C17orf67: variants seen among roughly 807,000 people sequenced by gnomAD.
C17orf67 encodes the protein uncharacterized protein C17orf67.
Under a neutral mutation model 11.2 loss-of-function variants are expected in C17orf67, and 12 were observed. That is an observed-to-expected ratio of 1.07 (90% CI 0.68 to 1.73). The LOEUF (loss-of-function observed/expected upper bound fraction) is 1.73. Among genes scored for constraint, C17orf67 ranks in the 40% most tolerant of loss-of-function variants. The pLI, the probability that C17orf67 is intolerant of heterozygous loss-of-function variation, is 0.00. For missense variants in C17orf67, 115 were observed against 113.5 expected (o/e 1.01, Z -0.06); for synonymous variants, 59 against 46.9 (o/e 1.26, Z -1.05).
chr17:56,820,650 G>A (rs1170069985), intron 4 of C17orf67, among the ~76,000 whole-genome samples: 1 of 151,802 alleles, frequency 6.6e-6, no homozygotes, highest in Admixed American at 6.6e-5. Flanking sequence ...AGGAAACAAT[G>A]TTATTTGAGG....
At chr17:56,793,260 GT>G (rs1477528200) in intron 7 of C17orf67, among the ~76,000 whole-genome samples, 1 of 151,986 alleles carries the variant, frequency 6.6e-6, no homozygotes, top group Admixed American at 6.6e-5. Context: ...TTTTTCTAAG[GT>G]TATTCAGCCA....
At chr17:56,799,271 T>C (rs1905267878) in intron 6 of C17orf67, among the ~76,000 whole-genome samples, 1 of 152,238 alleles carries the variant, frequency 6.6e-6, no homozygotes, top group South Asian at 2.1e-4. Flanking sequence ...CACTGATCTT[T>C]ATACTGTCTC....
chr17:56,815,614 C>G (rs1905740619), intron 5 of C17orf67, 142 bp downstream of exon 5: 3 of 627,524 alleles, frequency 4.8e-6, no homozygotes, highest in East Asian at 5.0e-5. Context: ...GAAGCCTACT[C>G]TTATGGAAAA....
rs560639193 is a variant in C17orf67 at position 56,833,188 on chromosome 17, G to C, written c.-847C>G. 3.3e-5 allele frequency: 5 copies of C among 153,264 alleles called. No homozygotes were observed. Among genetic ancestry groups the C allele is most frequent in the South Asian group, 2.0e-4 (1 of 5,104 alleles). The allele number at this position is 153,264 out of a possible 1,614,324, so 9.5% of individuals were successfully genotyped here. A position where few individuals can be genotyped will look rare whatever the true frequency, so the allele number is the denominator to read the frequency against. On this transcript the variant is annotated 5_prime_UTR_variant, in exon 2 of 8. Coordinates refer to ENST00000397861, the MANE Select transcript of C17orf67 (RefSeq NM_001085430.4). ...CGGTGCCTGTGCCTCTCTGGATTCCGTGTTTCTTCGGGGGTGCTGAGCAGC... is the reference window on the plus strand; with the variant it reads ...CGGTGCCTGTGCCTCTCTGGATTCCCTGTTTCTTCGGGGGTGCTGAGCAGC...
At chr17:56,812,065 C>A (rs962297613) in intron 6 of C17orf67, among the ~76,000 whole-genome samples, 1 of 152,148 alleles carries the variant, frequency 6.6e-6, no homozygotes, top group South Asian at 2.1e-4. Context: ...CAGAATGTAA[C>A]CAAAGTTAAG....
chr17:56,824,183 T>C (rs2144147392), intron 4 of C17orf67, among the ~76,000 whole-genome samples: 1 of 152,280 alleles, frequency 6.6e-6, no homozygotes, highest in Admixed American at 6.5e-5. Flanking sequence ...GGGAGTAAAT[T>C]AGTTCTTATA....
Position 56,828,559 on chromosome 17 carries a change from TACAGA to T in C17orf67, c.-556-3243_-556-3239del, listed in dbSNP as rs146498015. Among the ~76,000 whole-genome samples, 963 of 152,262 alleles carry T rather than the reference TACAGA, an allele frequency of 6.3e-3. 14 individuals carry two copies. Among genetic ancestry groups the T allele is most frequent in the African/African-American group, 0.022 (914 of 41,538 alleles). ...TTTATATTTTGAAATCTGTCACACA[TACAGA>T]AGAGTTTATAAACCATATATACATA... is the stretch of plus-strand genomic sequence containing the variant. On this transcript the variant is annotated intron_variant, in intron 2 of 7. Coordinates refer to ENST00000397861, the MANE Select transcript of C17orf67 (RefSeq NM_001085430.4).
At chr17:56,821,314 C>A (rs1437732215) in intron 4 of C17orf67, among the ~76,000 whole-genome samples, 2 of 152,088 alleles carry the variant, frequency 1.3e-5, no homozygotes, top group Non-Finnish European at 2.9e-5. Flanking sequence ...TTGCTTTCAT[C>A]TTTTTTACTG....
chr17:56,832,409 C>A (rs1031239959), intron 2 of C17orf67, among the ~76,000 whole-genome samples: 1 of 152,162 alleles, frequency 6.6e-6, no homozygotes, highest in African/African-American at 2.4e-5. Flanking sequence ...ACAACAACAA[C>A]AAAAAACTAA....
chr17:56,800,756 G>A (rs750893366), intron 6 of C17orf67, among the ~76,000 whole-genome samples: 1 of 152,170 alleles, frequency 6.6e-6, no homozygotes, highest in East Asian at 1.9e-4. Context: ...AAGCTCCATA[G>A]ACTTTTCCCA....
At chr17:56,823,930 G>A (rs1446921607) in intron 4 of C17orf67, among the ~76,000 whole-genome samples, 1 of 152,178 alleles carries the variant, frequency 6.6e-6, no homozygotes, top group Non-Finnish European at 1.5e-5. Flanking sequence ...AAACTTAAAT[G>A]CATATTACTC....
chr17:56,818,387 T>C (rs1905813594), intron 4 of C17orf67, among the ~76,000 whole-genome samples: 1 of 152,128 alleles, frequency 6.6e-6, no homozygotes, highest in Non-Finnish European at 1.5e-5. Flanking sequence ...TGGCCAGACA[T>C]AGTAGCTCAC....
intron 6 of C17orf67, among the ~76,000 whole-genome samples, chr17:56,807,743 T>C (rs906888390): frequency 5.3e-5 from 8 of 151,896 alleles, no homozygotes; most frequent in African/African-American, 1.7e-4. Flanking sequence ...GAGCCTTCAT[T>C]ATACCATGAG....
At chr17:56,814,734 T>A in intron 6 of C17orf67, 135 bp downstream of exon 6, 1 of 815,640 alleles carries the variant, frequency 1.2e-6, no homozygotes. Context: ...AAGATTGAGA[T>A]TGCAGCTATC....
chr17:56,823,699 A>G (rs2144146764), intron 4 of C17orf67, among the ~76,000 whole-genome samples: 1 of 152,370 alleles, frequency 6.6e-6, no homozygotes, highest in South Asian at 2.1e-4. Flanking sequence ...CATATTTTTA[A>G]AAGACAGGAC....
chr17:56,810,023 C>T (rs943716189), intron 6 of C17orf67, among the ~76,000 whole-genome samples: 1 of 144,400 alleles, frequency 6.9e-6, no homozygotes, highest in African/African-American at 2.6e-5. Context: ...CCTCATACAC[C>T]CTCACACATG....
chr17:56,798,109 G>A (rs556146271), intron 6 of C17orf67, among the ~76,000 whole-genome samples: 4 of 152,078 alleles, frequency 2.6e-5, no homozygotes, highest in Admixed American at 6.5e-5. Context: ...AAGCTTCAGC[G>A]CACTCCTCTT....
chr17:56,809,970 C>A (rs1434302776), intron 6 of C17orf67, among the ~76,000 whole-genome samples: 2 of 146,854 alleles, frequency 1.4e-5, no homozygotes, highest in African/African-American at 5.1e-5. Flanking sequence ...TCACCTCACA[C>A]ACAATCCTTG....
intron 6 of C17orf67, among the ~76,000 whole-genome samples, chr17:56,797,506 T>C (rs558082019): frequency 3.3e-5 from 5 of 152,242 alleles, no homozygotes; most frequent in Admixed American, 1.3e-4. Context: ...GTCAGTCTCC[T>C]TGAGCACAGA....
Sources: allele counts gnomAD v4.1 joint callset (sites outside exome capture counted in the v4.1 genomes callset), GRCh38; gene constraint gnomAD v4.1.1; transcripts MANE v1.5; gene names NCBI Gene and HGNC (gene_info 2026-07-23, HGNC 2026-07-21).